Variants in FMNL2 observed in about 807,000 individuals in gnomAD.
FMNL2 encodes the protein formin like 2, also known as formin-like protein 2.
In FMNL2, 51 loss-of-function variants were observed where a neutral mutation model predicts 130.2. That is an observed-to-expected ratio of 0.39 (90% confidence interval 0.31 to 0.49). FMNL2 has a LOEUF of 0.49. Ranked by LOEUF, FMNL2 falls within the 20% of genes least tolerant of loss-of-function variation. The probability of loss-of-function intolerance (pLI) is 0.85; values close to 1 mark genes in which losing one functional copy is unlikely to be tolerated. For synonymous variants in FMNL2, 465 were observed against 467.1 expected (o/e 1.00, Z 0.06); for missense variants, 977 against 1,316.2 (o/e 0.74, Z 3.99).
At chr2:152,461,248 A>G (rs1016517544) in intron 1 of FMNL2, among the ~76,000 whole-genome samples, 3 of 152,262 alleles carry the variant, frequency 2.0e-5, no homozygotes, top group Non-Finnish European at 4.4e-5. Flanking sequence ...GAAGAAAATG[A>G]GAAAAGAACA....
At chr2:152,335,931 A>T (rs1681394606) in intron 1 of FMNL2, among the ~76,000 whole-genome samples, 1 of 150,522 alleles carries the variant, frequency 6.6e-6, no homozygotes, top group Non-Finnish European at 1.5e-5. Context: ...CGGGATGGGG[A>T]TGGGGGCTCA....
chr2:152,591,636 C>T (rs978856819), intron 9 of FMNL2, among the ~76,000 whole-genome samples: 8 of 152,108 alleles, frequency 5.3e-5, no homozygotes, highest in Admixed American at 6.5e-5. Context: ...TAAGACCCTG[C>T]CTCTACAGAA....
Position 152,630,463 on chromosome 2 carries a change from G to T in FMNL2, c.2550+558G>T, listed in dbSNP as rs962739021. 2.6e-5 allele frequency among the ~76,000 whole-genome samples: 4 copies of T among 152,194 alleles called. No individual in the cohort carries two copies. The East Asian group carries it at 7.7e-4, about 29-fold the overall frequency. On this transcript the variant is annotated intron_variant, in intron 20 of 25. Transcript: ENST00000288670. ...CTTTTCTATATTTTCTTAAATTTTT[G>T]TTGTTGTTGTTGCATGCAGGGTGCT...
chr2:152,521,668 C>T (rs990318047), intron 1 of FMNL2, among the ~76,000 whole-genome samples: 3 of 152,218 alleles, frequency 2.0e-5, no homozygotes, highest in Non-Finnish European at 2.9e-5. Flanking sequence ...TCTGCCAAAG[C>T]GACAAGGCAT....
chr2:152,516,674 G>C (rs1166821656), intron 1 of FMNL2, among the ~76,000 whole-genome samples: 1 of 152,124 alleles, frequency 6.6e-6, no homozygotes, highest in Non-Finnish European at 1.5e-5. Flanking sequence ...GGTAAAAGAA[G>C]GATTTTACAA....
chr2:152,515,055 G>A (rs1048463366), intron 1 of FMNL2, among the ~76,000 whole-genome samples: 29 of 152,258 alleles, frequency 1.9e-4, no homozygotes, highest in African/African-American at 6.3e-4. Context: ...CACTCTAAAT[G>A]AGTGGTAGTC....
intron 1 of FMNL2, among the ~76,000 whole-genome samples, chr2:152,396,144 C>T (rs548141391): frequency 6.6e-6 from 1 of 152,268 alleles, no homozygotes; most frequent in East Asian, 1.9e-4. Context: ...TCCCCCTCTC[C>T]TTTATTTTAG....
intron 1 of FMNL2, among the ~76,000 whole-genome samples, chr2:152,393,992 G>T (rs6721741): frequency 0.51 from 77,602 of 152,022 alleles, 21,200 homozygotes; most frequent in South Asian, 0.67. Context: ...CTCACGGGCT[G>T]TAGAAGAACA....
chr2:152,583,914 C>A (rs914233278), intron 9 of FMNL2, among the ~76,000 whole-genome samples: 6 of 152,134 alleles, frequency 3.9e-5, no homozygotes, highest in Non-Finnish European at 8.8e-5. Flanking sequence ...GATTATTATC[C>A]TAATAGCCAT....
At chr2:152,459,470 G>A (rs757796667) in intron 1 of FMNL2, among the ~76,000 whole-genome samples, 1 of 152,094 alleles carries the variant, frequency 6.6e-6, no homozygotes, top group East Asian at 1.9e-4. Flanking sequence ...GCCTTTTTAC[G>A]TTATTTTGGG....
At chr2:152,430,984 A>T (rs75032359) in intron 1 of FMNL2, among the ~76,000 whole-genome samples, 5,395 of 152,140 alleles carry the variant, frequency 0.035, 317 homozygotes, top group African/African-American at 0.12. Flanking sequence ...TAAAAAATGT[A>T]ATTCCAAGAT....
At chr2:152,644,423 C>T (rs567558177) in intron 25 of FMNL2, among the ~76,000 whole-genome samples, 6 of 152,262 alleles carry the variant, frequency 3.9e-5, no homozygotes, top group African/African-American at 1.4e-4. Context: ...CAAATCAGGC[C>T]TTTCTTAACT....
chr2:152,388,281 T>TA (rs1684898346), intron 1 of FMNL2, among the ~76,000 whole-genome samples: 1 of 152,162 alleles, frequency 6.6e-6, no homozygotes, highest in Non-Finnish European at 1.5e-5. Context: ...AATAAAGACA[T>TA]ACGTTAGACT....
In FMNL2 at chr2:152,639,888, T is replaced by A. The variant is rs556799550; in HGVS notation, c.2947-70T>A. 1.2e-5 allele frequency: 16 copies of A among 1,360,592 alleles called. No individual in the cohort carries two copies. In the East Asian group the frequency reaches 4.0e-4, roughly 34 times the overall value. The allele number at this position is 1,360,592 out of a possible 1,614,324, so 84.3% of individuals were successfully genotyped here. On this transcript the variant is annotated intron_variant, in intron 23 of 25. Coordinates refer to ENST00000288670, the MANE Select transcript of FMNL2 (RefSeq NM_052905.4). ...CAACTCACTAAGGATGCTTGAAGAA[T>A]GACTTTAAAAAATCTTGGCTGCTCT...
chr2:152,428,109 G>A (rs1687290887), intron 1 of FMNL2, among the ~76,000 whole-genome samples: 1 of 152,184 alleles, frequency 6.6e-6, no homozygotes, highest in African/African-American at 2.4e-5. Flanking sequence ...AGTGGTGTAT[G>A]AGAGTACCTG....
At chr2:152,508,498 G>A (rs1269238673) in intron 1 of FMNL2, among the ~76,000 whole-genome samples, 1 of 152,162 alleles carries the variant, frequency 6.6e-6, no homozygotes, top group Non-Finnish European at 1.5e-5. Flanking sequence ...CATTAGCCCT[G>A]GGCTCCTTAG....
At chr2:152,533,234 T>C (rs1450251718) in intron 2 of FMNL2, among the ~76,000 whole-genome samples, 1 of 152,198 alleles carries the variant, frequency 6.6e-6, no homozygotes, top group African/African-American at 2.4e-5. Flanking sequence ...TATTTTGATA[T>C]GTGGGATGAG....
intron 1 of FMNL2, among the ~76,000 whole-genome samples, chr2:152,375,875 C>CTATA (rs71394478): frequency 0.026 from 2,874 of 112,452 alleles, 30 homozygotes; most frequent in East Asian, 0.063. Context: ...CTCTCTCTCT[C>CTATA]TCTATATATA....
chr2:152,536,626 G>A (rs988445661), intron 2 of FMNL2, among the ~76,000 whole-genome samples: 1 of 152,164 alleles, frequency 6.6e-6, no homozygotes, highest in Non-Finnish European at 1.5e-5. Context: ...ATTCATCCCT[G>A]AGGATGTTCA....
Sources: gnomAD v4.1 joint callset for allele counts (sites outside exome capture counted in the v4.1 genomes callset) on GRCh38, gnomAD v4.1.1 for gene constraint, MANE v1.5 for transcripts, NCBI Gene and HGNC (gene_info 2026-07-23, HGNC 2026-07-21) for gene names.